Variants in NLGN4X observed in about 807,000 individuals in gnomAD.
The protein encoded by NLGN4X is neuroligin 4 X-linked, also known as neuroligin-4, X-linked.
Under a neutral mutation model 40.3 loss-of-function variants are expected in NLGN4X, and 3 were observed. The observed-to-expected ratio is 0.07, with a 90% CI of 0.03 to 0.19. The LOEUF (loss-of-function observed/expected upper bound fraction) is 0.19, where lower values mean the gene tolerates loss of function less well. Ranked by LOEUF, NLGN4X falls within the 10% of genes least tolerant of loss-of-function variation. The probability of loss-of-function intolerance (pLI) is 1.00; values close to 1 mark genes in which losing one functional copy is unlikely to be tolerated. For missense variants in NLGN4X, 382 were observed against 708.3 expected (o/e 0.54, Z 5.23); for synonymous variants, 270 against 306.8 (o/e 0.88, Z 1.25).
chrX:6,085,621 T>C (rs5916296), intron 2 of NLGN4X, among the ~76,000 whole-genome samples: 21,902 of 111,861 alleles, frequency 0.2, 1,832 homozygotes, highest in South Asian at 0.27. Flanking sequence ...TCTCATGTTA[T>C]AGGTAAGCTT....
At chrX:6,187,364 C>G (rs1198729731) in intron 1 of NLGN4X, 1 of 108,706 alleles carries the variant, frequency 9.2e-6, no homozygotes, top group Non-Finnish European at 1.9e-5. Flanking sequence ...CCCCAGCTAC[C>G]CCGGAGGCTG....
intron 3 of NLGN4X, among the ~76,000 whole-genome samples, chrX:5,963,490 G>A (rs1164919754): frequency 9.0e-6 from 1 of 111,708 alleles, no homozygotes; most frequent in African/African-American, 3.3e-5. Flanking sequence ...AGTAAAATTT[G>A]AGAAGAAAAA....
intron 3 of NLGN4X, among the ~76,000 whole-genome samples, chrX:5,927,619 AAG>A (rs1327534205): frequency 8.9e-6 from 1 of 112,235 alleles, no homozygotes; most frequent in African/African-American, 3.2e-5. Flanking sequence ...GTCCTTCAAA[AAG>A]ACACTGCATT....
chrX:6,098,632 C>T (rs1414525696), intron 2 of NLGN4X, among the ~76,000 whole-genome samples: 1 of 111,826 alleles, frequency 8.9e-6, no homozygotes, highest in Non-Finnish European at 1.9e-5. Context: ...CCCCTGCCTG[C>T]ATTTCCAGCT....
intron 1 of NLGN4X, among the ~76,000 whole-genome samples, chrX:6,182,267 C>T (rs1187093386): frequency 1.8e-5 from 2 of 111,403 alleles, no homozygotes; most frequent in African/African-American, 6.5e-5. Context: ...TACCTTCCAT[C>T]GAGTATACAA....
intron 3 of NLGN4X, among the ~76,000 whole-genome samples, chrX:5,987,316 A>G (rs901200097): frequency 1.7e-4 from 19 of 112,808 alleles, no homozygotes; most frequent in Non-Finnish European, 3.4e-4. Context: ...GAAAATATAA[A>G]GAAAAGCATG....
Position 6,151,447 on chromosome X carries a change from A to G in NLGN4X, c.20T>C (p.Leu7Pro). Residue 7 changes from leucine (L) to proline (P), a missense_variant, in exon 2 of 6, where the codon CTG (leucine) becomes CCG (proline). Leu to Pro is a moderately conservative substitution (Grantham distance 98). Transcript: ENST00000381095. ...GGTGAACAACAAAGGAAGCCATAGC[A>G]GTCCCTGGGGCCGTGACATGGTTCA... MSRPQG[L>P]LWLPLLFTPV... The G allele has an allele frequency of 8.3e-7, 1 of 1,210,691 alleles. No individual in the cohort carries two copies. The highest frequency in any genetic ancestry group is 1.1e-6 in the Non-Finnish European group (1 of 894,538).
intron 1 of NLGN4X, among the ~76,000 whole-genome samples, chrX:6,208,944 C>T (rs12847430): frequency 2.7e-5 from 3 of 111,157 alleles, no homozygotes; most frequent in African/African-American, 9.8e-5. Context: ...CGTTTAATAC[C>T]GCACTATTCA....
At chrX:5,930,424 C>G (rs958823820) in intron 3 of NLGN4X, among the ~76,000 whole-genome samples, 5 of 111,941 alleles carry the variant, frequency 4.5e-5, no homozygotes, top group Admixed American at 3.8e-4. Flanking sequence ...CCTAAAGCAA[C>G]AGAACACAAA....
rs145957715 is a variant in NLGN4X, at chrX:5,917,043, T to C, written c.626-7804A>G. Among the ~76,000 whole-genome samples the C allele has an allele frequency of 1.8e-3, 208 of 112,471 alleles. 1 individual carries two copies. Among genetic ancestry groups the C allele is most frequent in the African/African-American group, 4.7e-3 (145 of 31,002 alleles). The stretch of plus-strand genomic sequence containing the variant: ...GGAGCCTGCAAATCCACCACAACAC[T>C]TGCTAGCTATTTCCAGAATATGCCT... On this transcript the variant is annotated intron_variant, in intron 3 of 5. Transcript: ENST00000381095.
chrX:5,982,120 CAT>C (rs2035405653), intron 3 of NLGN4X, among the ~76,000 whole-genome samples: 1 of 112,273 alleles, frequency 8.9e-6, no homozygotes, highest in Non-Finnish European at 1.9e-5. Flanking sequence ...AATAGCCAAA[CAT>C]ACATTTCCCA....
chrX:5,926,934 T>TTCTATCTATCTATCTA lies in NLGN4X; in HGVS notation c.626-17711_626-17696dup, dbSNP rs3072082. On this transcript the variant is annotated intron_variant, in intron 3 of 5. Transcript: ENST00000381095. ...TATAGCTCTAACATATCTCTATATC[T>TTCTATCTATCTATCTA]TCTATCTATCTATCTATCTATCTAT... 7.2e-3 allele frequency among the ~76,000 whole-genome samples: 698 copies of TTCTATCTATCTATCTA among 96,874 alleles called. 3 individuals carry two copies. Among genetic ancestry groups the TTCTATCTATCTATCTA allele is most frequent in the African/African-American group, 0.013 (349 of 26,420 alleles). 84.1% of individuals were successfully genotyped at this position (96,874 alleles called of 115,157 possible).
chrX:6,023,526 T>C (rs1490590755), intron 3 of NLGN4X, among the ~76,000 whole-genome samples: 1 of 112,313 alleles, frequency 8.9e-6, no homozygotes, highest in Non-Finnish European at 1.9e-5. Flanking sequence ...GTCAGAGCTC[T>C]GGCTTCAGTT....
intron 3 of NLGN4X, among the ~76,000 whole-genome samples, chrX:5,919,151 C>A (rs953043319): frequency 8.9e-5 from 10 of 111,732 alleles, no homozygotes; most frequent in African/African-American, 1.3e-4. Flanking sequence ...TTTAAGCAAC[C>A]ATCATAGTAA....
intron 3 of NLGN4X, among the ~76,000 whole-genome samples, chrX:5,979,463 G>T (rs1042191356): frequency 9.0e-6 from 1 of 110,504 alleles, no homozygotes; most frequent in Non-Finnish European, 1.9e-5. Flanking sequence ...TTCCCCACCA[G>T]CAGCTTGGGG....
intron 2 of NLGN4X, among the ~76,000 whole-genome samples, chrX:6,089,374 G>C (rs749432588): frequency 8.9e-6 from 1 of 111,956 alleles, no homozygotes; most frequent in African/African-American, 3.2e-5. Flanking sequence ...AGAAGAAGAA[G>C]AACAGCACAT....
At chrX:5,944,969 A>C (rs1275676106) in intron 3 of NLGN4X, among the ~76,000 whole-genome samples, 2 of 112,019 alleles carry the variant, frequency 1.8e-5, no homozygotes, top group Non-Finnish European at 3.8e-5. Context: ...TGGAGGATAA[A>C]ATGAAAGAAA....
At chrX:6,086,124 A>G (rs949036469) in intron 2 of NLGN4X, among the ~76,000 whole-genome samples, 1 of 112,005 alleles carries the variant, frequency 8.9e-6, no homozygotes. Flanking sequence ...AATTTCTTAA[A>G]CTTACTGGAT....
chrX:6,223,807 T>TTA lies in NLGN4X; in HGVS notation c.-306+4732_-306+4733dup, dbSNP rs1397052390. On this transcript the variant is annotated intron_variant, in intron 1 of 5. Coordinates refer to ENST00000381095, the MANE Select transcript of NLGN4X (RefSeq NM_181332.3). ...GATTTAAAACTGGTAGCTCAGGAGT[T>TTA]TAAGAAATCAGTGGTGGCTATTCAA... 5.3e-5 allele frequency among the ~76,000 whole-genome samples: 6 copies of TTA among 112,784 alleles called. No homozygotes were observed. The East Asian group carries it at 1.7e-3, about 31-fold the overall frequency.
Sources: allele counts gnomAD v4.1 joint callset (sites outside exome capture counted in the v4.1 genomes callset), GRCh38; gene constraint gnomAD v4.1.1; transcripts MANE v1.5; gene names NCBI Gene and HGNC (gene_info 2026-07-23, HGNC 2026-07-21).